GOLGA4: variants seen among roughly 807,000 people sequenced by gnomAD.
GOLGA4 encodes the protein golgin A4, also known as golgin subfamily A member 4.
In GOLGA4, 169 loss-of-function variants were observed where a neutral mutation model predicts 265.9. The observed-to-expected ratio is 0.64, with a 90% confidence interval of 0.56 to 0.72. GOLGA4 has a LOEUF of 0.72. Ranked by LOEUF, GOLGA4 falls within the 30% of genes least tolerant of loss-of-function variation. The probability of loss-of-function intolerance (pLI) is 0.00; values close to 1 mark genes in which losing one functional copy is unlikely to be tolerated. For missense variants in GOLGA4, 2,482 were observed against 2,483.4 expected, an observed-to-expected ratio of 1.00 and a Z score of 0.01; for synonymous variants, 923 against 855.8, an observed-to-expected ratio of 1.08 and a Z score of -1.37.
intron 2 of GOLGA4, among the ~76,000 whole-genome samples, chr3:37,253,307 T>A (rs1382348783): frequency 6.6e-6 from 1 of 151,546 alleles, no homozygotes; most frequent in African/African-American, 2.4e-5. Context: ...ACCTTCTATC[T>A]TAGAAGTTTA....
At chr3:37,265,596 T>C (rs892623960) in intron 2 of GOLGA4, among the ~76,000 whole-genome samples, 7 of 152,186 alleles carry the variant, frequency 4.6e-5, no homozygotes, top group African/African-American at 1.7e-4. Context: ...ATACTTAATG[T>C]ATACAATTTG....
rs1196659277 is a variant in GOLGA4 at position 37,355,113 on chromosome 3, G to A, written c.6589G>A (p.Val2197Ile). The change falls in exon 22 of 24, where the codon GTT (valine) becomes ATT (isoleucine). Residue 2197 changes from valine (V) to isoleucine (I), a missense_variant. By Grantham distance (29) the Val-to-Ile change is conservative. This residue lies in a region of GOLGA4 where 942 missense variants were observed against 983.1 expected (regional missense o/e 0.96). Transcript: ENST00000361924. Reference sequence around the variant, plus strand: ...GTTTTTCTTGTAGACCATGGCAAAAGTTATAACCACCGTACTGAAGTTCCC... The same window carrying A: ...GTTTTTCTTGTAGACCATGGCAAAAATTATAACCACCGTACTGAAGTTCCC... ...MGRETKTMAK[V>I]ITTVLKFPDD... The A allele has an allele frequency of 6.2e-7, 1 of 1,601,224 alleles. No individual in the cohort carries two copies. Among genetic ancestry groups the A allele is most frequent in the Non-Finnish European group, 8.6e-7 (1 of 1,168,690 alleles).
chr3:37,292,695 A>G (rs79531744), intron 5 of GOLGA4, among the ~76,000 whole-genome samples: 2,314 of 120,138 alleles, frequency 0.019, 54 homozygotes, highest in African/African-American at 0.065. Flanking sequence ...AAAAAAAAAA[A>G]GGTTTTAGTA....
intron 22 of GOLGA4, among the ~76,000 whole-genome samples, chr3:37,358,299 T>A (rs922343630): frequency 6.6e-6 from 1 of 152,230 alleles, no homozygotes; most frequent in Non-Finnish European, 1.5e-5. Flanking sequence ...TTTCAATATA[T>A]CTTATCTTTA....
At chr3:37,279,832 G>C (rs2096829875) in intron 2 of GOLGA4, among the ~76,000 whole-genome samples, 1 of 151,888 alleles carries the variant, frequency 6.6e-6, no homozygotes, top group African/African-American at 2.4e-5. Context: ...ACTTGAACCC[G>C]GGAGTTGGAG....
intron 2 of GOLGA4, among the ~76,000 whole-genome samples, chr3:37,265,322 A>G (rs533812467): frequency 1.3e-5 from 2 of 152,356 alleles, no homozygotes; most frequent in Admixed American, 1.3e-4. Flanking sequence ...CAGAAGCACT[A>G]GTGTAACAGA....
intron 9 of GOLGA4, 81 bp from the exon 10 acceptor site, chr3:37,302,104 C>T: frequency 6.3e-6 from 8 of 1,265,332 alleles, no homozygotes; most frequent in Non-Finnish European, 9.0e-6. Context: ...CCTTTTTCTG[C>T]CTTTTAAATT....
chr3:37,283,838 T>C (rs1475732858), intron 3 of GOLGA4, among the ~76,000 whole-genome samples: 3 of 152,218 alleles, frequency 2.0e-5, no homozygotes, highest in Non-Finnish European at 4.4e-5. Flanking sequence ...GTGTATTTTA[T>C]ATTTATAATG....
intron 10 of GOLGA4, among the ~76,000 whole-genome samples, chr3:37,305,320 A>G (rs1440481803): frequency 6.6e-6 from 1 of 152,216 alleles, no homozygotes; most frequent in East Asian, 1.9e-4. Context: ...TGTAGTCATA[A>G]TAATTGAGGG....
At chr3:37,248,587 A>G (rs959940191) in intron 1 of GOLGA4, among the ~76,000 whole-genome samples, 3 of 152,218 alleles carry the variant, frequency 2.0e-5, no homozygotes, top group Non-Finnish European at 2.9e-5. Context: ...ATTTTCTCAT[A>G]TAATTCTTAC....
At position 37,356,602 on chromosome 3, in the gene GOLGA4, ATGT is replaced by A. The variant is rs1431603667; in HGVS notation, c.6663+1420_6663+1422del. Among the ~76,000 whole-genome samples the A allele has an allele frequency of 3.3e-5, 5 of 152,254 alleles. 1 individual carries two copies. Among genetic ancestry groups the A allele is most frequent in the African/African-American group, 1.2e-4 (5 of 41,550 alleles). ...TGTATACCATTCATCAACAGAGAGAATGTTGTTTTAAATTATAATGAACATCTA... is the reference window on the plus strand; with the variant it reads ...TGTATACCATTCATCAACAGAGAGAATGTTTTAAATTATAATGAACATCTA... On this transcript the variant is annotated intron_variant, in intron 22 of 23. Coordinates refer to ENST00000361924, the MANE Select transcript of GOLGA4 (RefSeq NM_002078.5).
intron 2 of GOLGA4, among the ~76,000 whole-genome samples, chr3:37,252,925 A>G (rs2096737995): frequency 6.6e-6 from 1 of 152,026 alleles, no homozygotes; most frequent in Non-Finnish European, 1.5e-5. Context: ...CTTGCCATTC[A>G]TTTTAATGAT....
intron 10 of GOLGA4, among the ~76,000 whole-genome samples, chr3:37,313,792 A>G (rs1481953037): frequency 6.6e-6 from 1 of 152,184 alleles, no homozygotes; most frequent in Non-Finnish European, 1.5e-5. Flanking sequence ...ATTCATTGTA[A>G]GTTGAAAATA....
intron 2 of GOLGA4, among the ~76,000 whole-genome samples, chr3:37,280,276 CAG>C (rs772429570): frequency 6.6e-6 from 1 of 152,114 alleles, no homozygotes; most frequent in Non-Finnish European, 1.5e-5. Context: ...CATGTAAGTT[CAG>C]AGTCAGGAAT....
intron 10 of GOLGA4, among the ~76,000 whole-genome samples, chr3:37,303,315 C>T (rs1559403746): frequency 6.6e-6 from 1 of 152,078 alleles, no homozygotes; most frequent in Non-Finnish European, 1.5e-5. Flanking sequence ...GACAGAAATC[C>T]AGTTTGAGGG....
intron 2 of GOLGA4, among the ~76,000 whole-genome samples, chr3:37,273,225 G>T (rs2096803616): frequency 6.6e-6 from 1 of 152,054 alleles, no homozygotes; most frequent in Admixed American, 6.6e-5. Flanking sequence ...CCCTGATGTT[G>T]ATTTTTGTTA....
chr3:37,261,251 C>G (rs1269549294), intron 2 of GOLGA4, among the ~76,000 whole-genome samples: 3 of 152,178 alleles, frequency 2.0e-5, no homozygotes, highest in Non-Finnish European at 4.4e-5. Context: ...GCTAAATCCT[C>G]ACCTGGAAGA....
intron 21 of GOLGA4, 57 bp from the exon 22 acceptor site, chr3:37,355,044 G>GTT: frequency 1.0e-6 from 1 of 999,514 alleles, no homozygotes; most frequent in South Asian, 1.3e-5. Context: ...GTCAGAATGG[G>GTT]TTGAGACTTT....
intron 2 of GOLGA4, among the ~76,000 whole-genome samples, chr3:37,262,324 G>A (rs2150672333): frequency 6.6e-6 from 1 of 152,252 alleles, no homozygotes; most frequent in Non-Finnish European, 1.5e-5. Context: ...TGGCCAACAT[G>A]GCAAAACCCC....
Sources: allele counts gnomAD v4.1 joint callset (sites outside exome capture counted in the v4.1 genomes callset), GRCh38; gene constraint gnomAD v4.1.1; regional missense constraint gnomAD v4.1.1; transcripts MANE v1.5; gene names NCBI Gene and HGNC (gene_info 2026-07-23, HGNC 2026-07-21).